The following TAFA5 variants were observed in gnomAD, a reference collection of about 807,000 sequenced individuals.
TAFA5 encodes TAFA chemokine like family member 5, also known as chemokine-like protein TAFA-5.
TAFA5 carries 6 observed loss-of-function variants against 15.3 expected under a neutral mutation model. The ratio of observed to expected loss-of-function variants is 0.39; its 90% CI spans 0.21 to 0.77. TAFA5 has a LOEUF of 0.77. Among genes scored for constraint, TAFA5 ranks in the 30% least tolerant of loss-of-function variants. The pLI is 0.41. For synonymous variants in TAFA5, 103 were observed against 80.7 expected (o/e 1.28, Z -1.48); for missense variants, 161 against 193.1 (o/e 0.83, Z 0.98).
chr22:48,709,766 C>T (rs1463969206), intron 3 of TAFA5, among the ~76,000 whole-genome samples: 1 of 152,218 alleles, frequency 6.6e-6, no homozygotes, highest in Non-Finnish European at 1.5e-5. Context: ...AGGGAGTCCA[C>T]AGACCCTGTG....
At chr22:48,572,771 C>T (rs1923634178) in intron 1 of TAFA5, among the ~76,000 whole-genome samples, 4 of 152,180 alleles carry the variant, frequency 2.6e-5, no homozygotes, top group Non-Finnish European at 4.4e-5. Flanking sequence ...TTTATGAACA[C>T]ATTACATACA....
At chr22:48,554,093 C>T (rs182767537) in intron 1 of TAFA5, among the ~76,000 whole-genome samples, 1 of 152,318 alleles carries the variant, frequency 6.6e-6, no homozygotes, top group Admixed American at 6.5e-5. Flanking sequence ...GCTCAGCTCC[C>T]GCCTGGGCTC....
At chr22:48,565,486 C>A (rs965587173) in intron 1 of TAFA5, among the ~76,000 whole-genome samples, 1 of 152,250 alleles carries the variant, frequency 6.6e-6, no homozygotes, top group Admixed American at 6.5e-5. Context: ...GCCACCAATA[C>A]CTAACTCTTT....
At chr22:48,722,269 G>A (rs1929590911) in intron 3 of TAFA5, among the ~76,000 whole-genome samples, 1 of 152,140 alleles carries the variant, frequency 6.6e-6, no homozygotes, top group Non-Finnish European at 1.5e-5. Context: ...GTTTATTGCG[G>A]CACCGTTCAC....
chr22:48,736,038 A>G (rs1329065170), intron 3 of TAFA5, among the ~76,000 whole-genome samples: 7 of 50,968 alleles, frequency 1.4e-4, no homozygotes, highest in Admixed American at 4.3e-4. Flanking sequence ...TCGCACTCCT[A>G]GGGTCCCTCC....
At chr22:48,635,219 G>A (rs1426728856) in intron 1 of TAFA5, among the ~76,000 whole-genome samples, 3 of 152,238 alleles carry the variant, frequency 2.0e-5, no homozygotes, top group Non-Finnish European at 2.9e-5. Flanking sequence ...AAGCCAGCCA[G>A]GGCTGGGTCT....
chr22:48,570,536 T>C (rs1018401162), intron 1 of TAFA5, among the ~76,000 whole-genome samples: 5 of 152,224 alleles, frequency 3.3e-5, no homozygotes, highest in African/African-American at 1.2e-4. Flanking sequence ...AATACATTTT[T>C]AGTTTCAACA....
At chr22:48,658,971 G>A (rs1163095795) in intron 2 of TAFA5, among the ~76,000 whole-genome samples, 2 of 152,224 alleles carry the variant, frequency 1.3e-5, no homozygotes, top group Non-Finnish European at 2.9e-5. Flanking sequence ...AGGAGGTGAC[G>A]CCTTTGCCCG....
At chr22:48,578,865 G>A in intron 1 of TAFA5, among the ~76,000 whole-genome samples, 1 of 152,302 alleles carries the variant, frequency 6.6e-6, no homozygotes, top group South Asian at 2.1e-4. Flanking sequence ...GCAGGGAGGG[G>A]GGTGGCCGAC....
intron 1 of TAFA5, among the ~76,000 whole-genome samples, chr22:48,586,470 G>A (rs376693581): frequency 4.1e-4 from 62 of 152,278 alleles, no homozygotes; most frequent in African/African-American, 1.5e-3. Context: ...TAAAAGGAGT[G>A]GAAGCCCGAG....
intron 1 of TAFA5, among the ~76,000 whole-genome samples, chr22:48,602,572 T>G (rs1925013256): frequency 6.6e-6 from 1 of 152,174 alleles, no homozygotes; most frequent in Non-Finnish European, 1.5e-5. Flanking sequence ...TTTGTGTCCT[T>G]GCTGTGGACT....
chr22:48,492,079 A>G (rs1450356664), intron 1 of TAFA5, among the ~76,000 whole-genome samples: 1 of 152,094 alleles, frequency 6.6e-6, no homozygotes, highest in African/African-American at 2.4e-5. Flanking sequence ...TACAAAATAG[A>G]CATAATAATA....
At chr22:48,596,244 G>A (rs554985070) in intron 1 of TAFA5, among the ~76,000 whole-genome samples, 13 of 152,296 alleles carry the variant, frequency 8.5e-5, no homozygotes, top group Admixed American at 3.9e-4. Context: ...GAAGAGACGC[G>A]GCCTTCTGGG....
intron 1 of TAFA5, among the ~76,000 whole-genome samples, chr22:48,637,880 G>A (rs770935426): frequency 3.9e-5 from 6 of 152,022 alleles, no homozygotes; most frequent in South Asian, 2.1e-4. Flanking sequence ...TTATGAATAG[G>A]TCTTCTCCTG....
At chr22:48,547,554 C>T (rs562551531) in intron 1 of TAFA5, among the ~76,000 whole-genome samples, 1 of 152,350 alleles carries the variant, frequency 6.6e-6, no homozygotes, top group South Asian at 2.1e-4. Flanking sequence ...CTGGGAGACT[C>T]TTCACTGTGC....
intron 1 of TAFA5, among the ~76,000 whole-genome samples, chr22:48,635,431 C>T (rs935848386): frequency 2.0e-5 from 3 of 152,348 alleles, no homozygotes; most frequent in African/African-American, 7.2e-5. Flanking sequence ...CCGCCTCTAG[C>T]AACCGTCTCC....
At position 48,491,773 on chromosome 22, in the gene TAFA5, A is replaced by G. The variant is rs559852052; in HGVS notation, c.112+2069A>G. Among the ~76,000 whole-genome samples, 3 of 152,284 alleles carry G rather than the reference A, an allele frequency of 2.0e-5. No individual in the cohort carries two copies. In the South Asian group the frequency reaches 6.2e-4, roughly 32 times the overall value. On this transcript the variant is annotated intron_variant, in intron 1 of 3. Transcript: ENST00000402357. Reference sequence around the variant, plus strand: ...CTGCCGAGTGGAGTCCTGGTGTCCCAGCACAGACATCTGAGCCTGCTGCTT... The same window carrying G: ...CTGCCGAGTGGAGTCCTGGTGTCCCGGCACAGACATCTGAGCCTGCTGCTT...
chr22:48,730,985 G>T (rs1468870879), intron 3 of TAFA5, among the ~76,000 whole-genome samples: 1 of 152,214 alleles, frequency 6.6e-6, no homozygotes, highest in African/African-American at 2.4e-5. Flanking sequence ...GAGACAGGCT[G>T]AATGCTAGGC....
At chr22:48,669,820 C>A (rs5771925) in intron 2 of TAFA5, among the ~76,000 whole-genome samples, 117,089 of 152,220 alleles carry the variant, frequency 0.77, 45,192 homozygotes, top group East Asian at 0.9. Context: ...CCAGAGACGT[C>A]AGTGCTTTCT....
Sources: gnomAD v4.1 joint callset for allele counts (sites outside exome capture counted in the v4.1 genomes callset) on GRCh38, gnomAD v4.1.1 for gene constraint, MANE v1.5 for transcripts, NCBI Gene and HGNC (gene_info 2026-07-23, HGNC 2026-07-21) for gene names.